The following MCPH1 variants were observed in gnomAD, a reference collection of about 807,000 sequenced individuals.
MCPH1 encodes microcephalin.
MCPH1 carries 104 observed loss-of-function variants against 84.5 expected under a neutral mutation model. That is an observed-to-expected ratio of 1.23 (90% confidence interval 1.05 to 1.45). The LOEUF (loss-of-function observed/expected upper bound fraction) is 1.45, where lower values mean the gene tolerates loss of function less well. Ranked by LOEUF, MCPH1 falls within the 40% of genes most tolerant of loss-of-function variation. The pLI is 0.00. For missense variants in MCPH1, 1,498 were observed against 1,005.7 expected, an observed-to-expected ratio of 1.49 and a Z score of -6.62; for synonymous variants, 514 against 366.8, an observed-to-expected ratio of 1.40 and a Z score of -4.58.
chr8:6,505,684 A>G (rs1323378148), intron 12 of MCPH1, among the ~76,000 whole-genome samples: 5 of 115,318 alleles, frequency 4.3e-5, no homozygotes, highest in African/African-American at 1.4e-4. Flanking sequence ...CTTTACATAT[A>G]TAGAATATAT....
Position 6,444,973 on chromosome 8 carries a change from A to G in MCPH1, c.1251A>G (p.Ser417=). The G allele has an allele frequency of 6.2e-7, 1 of 1,614,060 alleles. No homozygotes were observed. The highest frequency in any genetic ancestry group is 2.2e-5 in the East Asian group (1 of 44,890). ...AGTCTTCATATGATGACTATTTTTC[A>G]CCTGATAATCTTAAGGAAAGGTATT... is the stretch of plus-strand genomic sequence containing the variant. ...CGESSYDDYF[S]PDNLKERYSE... Residue 417 remains serine (S), a synonymous_variant, in exon 8 of 14, where the codon TCA becomes TCG. Transcript: ENST00000344683.
intron 8 of MCPH1, chr8:6,446,702 T>G: frequency 1.0e-6 from 1 of 985,186 alleles, no homozygotes; most frequent in Non-Finnish European, 1.2e-6. Flanking sequence ...GTTTACATTC[T>G]CCATCTTTCC....
At chr8:6,407,865 T>C (rs1468916492) in intron 1 of MCPH1, among the ~76,000 whole-genome samples, 1 of 152,206 alleles carries the variant, frequency 6.6e-6, no homozygotes, top group Non-Finnish European at 1.5e-5. Flanking sequence ...GAATGTCTTT[T>C]ACATTTTTAA....
intron 6 of MCPH1, among the ~76,000 whole-genome samples, chr8:6,440,479 C>T (rs1803344951): frequency 6.6e-6 from 1 of 152,134 alleles, no homozygotes; most frequent in African/African-American, 2.4e-5. Flanking sequence ...TCTGCCTCAC[C>T]CTCTCAAGTA....
intron 2 of MCPH1, among the ~76,000 whole-genome samples, chr8:6,411,447 G>C (rs1280614111): frequency 6.6e-6 from 1 of 152,232 alleles, no homozygotes; most frequent in East Asian, 1.9e-4. Context: ...AAGTGCAAGA[G>C]TGATGATGCT....
At chr8:6,427,982 G>A (rs137972881) in intron 3 of MCPH1, among the ~76,000 whole-genome samples, 4,715 of 151,844 alleles carry the variant, frequency 0.031, 207 homozygotes, top group African/African-American at 0.1. Flanking sequence ...TAGTAGAGAC[G>A]GGGTTTCCCC....
intron 11 of MCPH1, among the ~76,000 whole-genome samples, chr8:6,490,701 C>T (rs910950331): frequency 6.6e-6 from 1 of 152,100 alleles, no homozygotes; most frequent in African/African-American, 2.4e-5. Context: ...AATAGGAATT[C>T]CAAATGAAAT....
chr8:6,533,798 A>G (rs999883822), intron 12 of MCPH1, among the ~76,000 whole-genome samples: 1 of 152,158 alleles, frequency 6.6e-6, no homozygotes, highest in Admixed American at 6.5e-5. Context: ...TCGTGGAGTC[A>G]GTCATCAGAC....
intron 9 of MCPH1, among the ~76,000 whole-genome samples, chr8:6,472,852 T>C (rs555721252): frequency 6.6e-6 from 1 of 152,348 alleles, no homozygotes; most frequent in South Asian, 2.1e-4. Context: ...AAATTTTGAA[T>C]ACCTGATTCC....
At chr8:6,446,291 A>C in intron 8 of MCPH1, 1 of 985,314 alleles carries the variant, frequency 1.0e-6, no homozygotes, top group Non-Finnish European at 1.2e-6. Context: ...GAAATCTTGA[A>C]CTTTGACCGT....
At chr8:6,626,461 GTTTTTTTGTTTTGTTTTT>G in intron 13 of MCPH1, 1 of 942,534 alleles carries the variant, frequency 1.1e-6, no homozygotes, top group South Asian at 5.1e-5. Flanking sequence ...TTGTTGTTTG[GTTTTTTTGTTTTGTTTTT>G]TTTTTTTTTT....
rs78685842 is a variant in MCPH1 at position 6,455,671 on chromosome 8, C to T, written c.1935+419C>T. Among the ~76,000 whole-genome samples the T allele has an allele frequency of 3.1e-3, 474 of 152,332 alleles. 4 individuals are homozygous for T. The highest frequency in any genetic ancestry group is 0.011 in the African/African-American group (452 of 41,568). On this transcript the variant is annotated intron_variant, in intron 9 of 13. Transcript: ENST00000344683. ...AGTGAAAGGTTTATATACTAACACT[C>T]AGGTACACCCTTCCCTTTGTGGTTT...
intron 13 of MCPH1, chr8:6,627,062 T>G (rs1328089240): frequency 2.0e-6 from 2 of 985,136 alleles, no homozygotes; most frequent in Non-Finnish European, 2.4e-6. Context: ...ATGTCCCATG[T>G]CGATGTTTTC....
intron 12 of MCPH1, among the ~76,000 whole-genome samples, chr8:6,576,603 G>T (rs1827123919): frequency 6.9e-6 from 1 of 144,584 alleles, no homozygotes; most frequent in Non-Finnish European, 1.5e-5. Context: ...CCACCTCCCG[G>T]GTCAAGCGAT....
chr8:6,605,575 A>G (rs1248585759), intron 12 of MCPH1, among the ~76,000 whole-genome samples: 1 of 152,242 alleles, frequency 6.6e-6, no homozygotes, highest in African/African-American at 2.4e-5. Context: ...CAGACCACAT[A>G]GTAGCTGGAC....
chr8:6,452,444 G>A (rs554497047), intron 8 of MCPH1, among the ~76,000 whole-genome samples: 4 of 152,324 alleles, frequency 2.6e-5, no homozygotes, highest in East Asian at 1.9e-4. Flanking sequence ...TCGTGAAAAC[G>A]AAGTCAATGA....
chr8:6,505,334 G>T (rs1422463017), intron 12 of MCPH1, among the ~76,000 whole-genome samples: 381 of 30,688 alleles, frequency 0.012, 66 homozygotes, highest in Middle Eastern at 0.067. Context: ...TATACATATA[G>T]AAAGAATATA....
At chr8:6,580,642 CTCTA>C (rs1827492416) in intron 12 of MCPH1, among the ~76,000 whole-genome samples, 1 of 152,182 alleles carries the variant, frequency 6.6e-6, no homozygotes, top group Non-Finnish European at 1.5e-5. Flanking sequence ...CAGAGCAAGA[CTCTA>C]TCTCAACCAC....
At chr8:6,623,713 A>AAT (rs1831743499) in intron 13 of MCPH1, among the ~76,000 whole-genome samples, 1 of 3,018 alleles carries the variant, frequency 3.3e-4, no homozygotes, top group Non-Finnish European at 1.1e-3. Flanking sequence ...AAAAAAAAAA[A>AAT]AAAAACTATT....
Sources: allele counts gnomAD v4.1 joint callset (sites outside exome capture counted in the v4.1 genomes callset), GRCh38; gene constraint gnomAD v4.1.1; transcripts MANE v1.5; gene names NCBI Gene and HGNC (gene_info 2026-07-23, HGNC 2026-07-21).